The following LY86 variants were observed in gnomAD, a reference collection of about 807,000 sequenced individuals.
LY86 encodes MD-1, RP105-associated.
Under a neutral mutation model 17.3 loss-of-function variants are expected in LY86, and 20 were observed. That is an observed-to-expected ratio of 1.15 (90% CI 0.81 to 1.68). The LOEUF (loss-of-function observed/expected upper bound fraction) is 1.68, where lower values mean the gene tolerates loss of function less well. LY86 is among the 40% of genes most tolerant of loss of function. LY86 has a pLI of 0.00. For missense variants in LY86, 200 were observed against 191.9 expected (o/e 1.04, Z -0.25); for synonymous variants, 74 against 70.6 (o/e 1.05, Z -0.24).
At chr6:6,600,325 C>T (rs2113087153) in intron 1 of LY86, among the ~76,000 whole-genome samples, 1 of 152,212 alleles carries the variant, frequency 6.6e-6, no homozygotes, top group East Asian at 1.9e-4. Context: ...CGCGGTGGCT[C>T]ATGCCTGTAA....
intron 1 of LY86, among the ~76,000 whole-genome samples, chr6:6,594,423 C>T: frequency 6.7e-6 from 1 of 149,434 alleles, no homozygotes; most frequent in East Asian, 2.0e-4. Flanking sequence ...GACACAGCTG[C>T]ACCCATTCTT....
Position 6,609,511 on chromosome 6 carries a change from CT to C in LY86, c.137-15413del, listed in dbSNP as rs1212248089. ...CTATGCACTTCCTTACACACTTTCT[CT>C]TCCTTCAAGGGCCTCTCAGTTGAGG... On this transcript the variant is annotated intron_variant, in intron 1 of 4. Coordinates refer to ENST00000230568, the MANE Select transcript of LY86 (RefSeq NM_004271.4). Among the ~76,000 whole-genome samples the C allele has an allele frequency of 2.6e-5, 4 of 152,208 alleles. No individual in the cohort carries two copies. The East Asian group carries it at 7.7e-4, about 29-fold the overall frequency.
intron 1 of LY86, 35 bp downstream of exon 1, chr6:6,588,905 G>A: frequency 6.2e-7 from 1 of 1,604,576 alleles, no homozygotes; most frequent in Non-Finnish European, 8.5e-7. Flanking sequence ...TGTGTTTATG[G>A]GGAAAGCAAG....
intron 4 of LY86, among the ~76,000 whole-genome samples, chr6:6,650,535 A>G (rs1762172842): frequency 1.3e-5 from 2 of 152,140 alleles, no homozygotes; most frequent in Non-Finnish European, 2.9e-5. Flanking sequence ...GGGTTTCACC[A>G]TATTGGCCAG....
chr6:6,608,540 C>G (rs571904893), intron 1 of LY86, among the ~76,000 whole-genome samples: 1 of 152,186 alleles, frequency 6.6e-6, no homozygotes, highest in African/African-American at 2.4e-5. Flanking sequence ...CGGCCCAGTC[C>G]TTTTTTTCTT....
At chr6:6,633,236 T>C (rs1409486377) in intron 3 of LY86, among the ~76,000 whole-genome samples, 2 of 152,166 alleles carry the variant, frequency 1.3e-5, no homozygotes, top group Non-Finnish European at 2.9e-5. Context: ...TAAAGGTGGC[T>C]CATGTTTGGA....
chr6:6,613,522 G>A (rs561295391), intron 1 of LY86, among the ~76,000 whole-genome samples: 1,643 of 152,288 alleles, frequency 0.011, 14 homozygotes, highest in Non-Finnish European at 0.018. Context: ...GGGGCTTGCT[G>A]TCAGGCCGGC....
chr6:6,619,055 C>T (rs1231116340), intron 1 of LY86, among the ~76,000 whole-genome samples: 1 of 152,156 alleles, frequency 6.6e-6, no homozygotes, highest in Non-Finnish European at 1.5e-5. Flanking sequence ...AAGCCTTATG[C>T]ATCATCCTCC....
chr6:6,647,184 G>A (rs1762118701), intron 3 of LY86, among the ~76,000 whole-genome samples: 1 of 152,060 alleles, frequency 6.6e-6, no homozygotes, highest in Non-Finnish European at 1.5e-5. Flanking sequence ...TACAATTGTG[G>A]GAGTAATATT....
chr6:6,614,191 C>T (rs1243349600), intron 1 of LY86, among the ~76,000 whole-genome samples: 1 of 152,144 alleles, frequency 6.6e-6, no homozygotes, highest in African/African-American at 2.4e-5. Flanking sequence ...CACAACGCAA[C>T]ACAATCCGTC....
At chr6:6,598,210 A>C (rs958142959) in intron 1 of LY86, among the ~76,000 whole-genome samples, 5 of 152,244 alleles carry the variant, frequency 3.3e-5, no homozygotes, top group African/African-American at 1.2e-4. Flanking sequence ...TAAACATCTA[A>C]TCGAATATAG....
At chr6:6,652,901 G>C (rs1297255042) in intron 4 of LY86, among the ~76,000 whole-genome samples, 1 of 152,110 alleles carries the variant, frequency 6.6e-6, no homozygotes, top group Admixed American at 6.6e-5. Context: ...TTCTTGTGTT[G>C]TTCAATACAT....
chr6:6,594,147 C>T (rs1182297756), intron 1 of LY86, among the ~76,000 whole-genome samples: 1 of 152,204 alleles, frequency 6.6e-6, no homozygotes, highest in Non-Finnish European at 1.5e-5. Context: ...GACACATGCT[C>T]AAATGACTTA....
rs148686726 is a variant in LY86 at position 6,649,161 on chromosome 6, G to A, written c.353-464G>A. ...CTTATACGGTGGCAGGCAAGAGGGCGTGTGCAGGGGAACTGCCCTTTATAA... is the reference window on the plus strand; with the variant it reads ...CTTATACGGTGGCAGGCAAGAGGGCATGTGCAGGGGAACTGCCCTTTATAA... On this transcript the variant is annotated intron_variant, in intron 3 of 4. Coordinates refer to ENST00000230568, the MANE Select transcript of LY86 (RefSeq NM_004271.4). Among the ~76,000 whole-genome samples, 638 of 152,346 alleles carry A rather than the reference G, an allele frequency of 4.2e-3. 3 individuals carry two copies. The highest frequency in any genetic ancestry group is 4.4e-3 in the Non-Finnish European group (297 of 68,036).
chr6:6,609,888 G>C (rs1761288045), intron 1 of LY86, among the ~76,000 whole-genome samples: 1 of 151,990 alleles, frequency 6.6e-6, no homozygotes, highest in Admixed American at 6.6e-5. Context: ...GTAGGCCTCT[G>C]TGTATGGCCA....
At chr6:6,610,542 TAG>T (rs777887262) in intron 1 of LY86, among the ~76,000 whole-genome samples, 21 of 151,112 alleles carry the variant, frequency 1.4e-4, no homozygotes, top group Admixed American at 9.2e-4. Flanking sequence ...AACGGAAGCT[TAG>T]GGGGGGGCAA....
chr6:6,605,936 A>G (rs2113103452), intron 1 of LY86, among the ~76,000 whole-genome samples: 1 of 152,278 alleles, frequency 6.6e-6, no homozygotes, highest in Non-Finnish European at 1.5e-5. Flanking sequence ...CCTTCACAGT[A>G]TGGGTTATAA....
intron 1 of LY86, chr6:6,622,791 T>C (rs923662713): frequency 6.6e-6 from 1 of 152,234 alleles, no homozygotes; most frequent in African/African-American, 2.4e-5. Context: ...AAATCAGTTA[T>C]GAAACAGAAC....
At chr6:6,608,860 C>T (rs1761263851) in intron 1 of LY86, among the ~76,000 whole-genome samples, 1 of 152,232 alleles carries the variant, frequency 6.6e-6, no homozygotes, top group Non-Finnish European at 1.5e-5. Context: ...AACGGGTGAA[C>T]TCTTCTCCTT....
Sources: gnomAD v4.1 joint callset for allele counts (sites outside exome capture counted in the v4.1 genomes callset) on GRCh38, gnomAD v4.1.1 for gene constraint, MANE v1.5 for transcripts, NCBI Gene and HGNC (gene_info 2026-07-23, HGNC 2026-07-21) for gene names.